The following UBR2 variants were observed in gnomAD, a reference collection of about 807,000 sequenced individuals.
UBR2 encodes the protein ubiquitin protein ligase E3 component n-recognin 2.
In UBR2, 92 loss-of-function variants were observed where a neutral mutation model predicts 247.9. The ratio of observed to expected loss-of-function variants is 0.37; its 90% CI spans 0.31 to 0.44. UBR2 has a LOEUF of 0.44. Among genes scored for constraint, UBR2 ranks in the 20% least tolerant of loss-of-function variants. UBR2 has a pLI of 1.00. For synonymous variants in UBR2, 672 were observed against 693.5 expected, an observed-to-expected ratio of 0.97 and a Z score of 0.49; for missense variants, 1,613 against 2,112.6, an observed-to-expected ratio of 0.76 and a Z score of 4.64.
rs371184591 is a variant in UBR2 at position 42,676,122 on chromosome 6, G to A, written c.4318G>A (p.Gly1440Arg). 259 of 1,613,554 alleles carry A rather than the reference G, an allele frequency of 1.6e-4. No individual in the cohort carries two copies. Among genetic ancestry groups the A allele is most frequent in the Non-Finnish European group, 2.0e-4 (237 of 1,179,948 alleles). ...QDFSGISLGT[G>R]DLHIFHLVTM... ...TTTTTCAGGGATCAGCCTTGGCACT[G>A]GAGACCTTCACATTTTCCATCTGGT... is the stretch of plus-strand genomic sequence containing the variant. The change falls in exon 39 of 47, where the codon GGA (glycine) becomes AGA (arginine). Residue 1440 changes from glycine (G) to arginine (R), a missense_variant. Transcript: ENST00000372901.
intron 44 of UBR2, among the ~76,000 whole-genome samples, chr6:42,686,897 G>A (rs1214093955): frequency 2.0e-5 from 3 of 150,330 alleles, no homozygotes; most frequent in African/African-American, 2.5e-5. Flanking sequence ...GGTCGCGGCC[G>A]GGCAGAGGCG....
chr6:42,653,348 A>G (rs1034027785), intron 25 of UBR2, among the ~76,000 whole-genome samples: 17 of 152,112 alleles, frequency 1.1e-4, no homozygotes, highest in Non-Finnish European at 1.6e-4. Context: ...CTCCCCAAGT[A>G]TTGGGATTAC....
chr6:42,650,557 G>A (rs1448464101), intron 23 of UBR2, among the ~76,000 whole-genome samples, 171 bp downstream of exon 23: 6 of 152,134 alleles, frequency 3.9e-5, no homozygotes, highest in Non-Finnish European at 5.9e-5. Flanking sequence ...TCAGCCTCTT[G>A]AGTAGATGAG....
chr6:42,647,647 G>T (rs976425123), intron 21 of UBR2, among the ~76,000 whole-genome samples: 4 of 151,996 alleles, frequency 2.6e-5, no homozygotes, highest in African/African-American at 9.7e-5. Context: ...ACATTTTAAA[G>T]AATTATTTAT....
chr6:42,610,535 A>G (rs1020940125), intron 7 of UBR2, among the ~76,000 whole-genome samples: 4 of 152,234 alleles, frequency 2.6e-5, no homozygotes, highest in Non-Finnish European at 5.9e-5. Flanking sequence ...ACATGCTACA[A>G]CATGAATGGA....
intron 33 of UBR2, 91 bp from the exon 34 acceptor site, chr6:42,666,076 C>A: frequency 9.0e-7 from 1 of 1,113,732 alleles, no homozygotes; most frequent in Non-Finnish European, 1.3e-6. Context: ...AATTTTTTTC[C>A]TTTTGTTTTT....
At chr6:42,635,659 A>C in intron 14 of UBR2, 113 bp downstream of exon 14, 1 of 1,274,762 alleles carries the variant, frequency 7.8e-7, no homozygotes, top group Non-Finnish European at 1.1e-6. Flanking sequence ...TACTTAGTTC[A>C]TTAAACAGCG....
intron 1 of UBR2, among the ~76,000 whole-genome samples, chr6:42,572,916 G>A (rs1461790820): frequency 6.6e-6 from 1 of 152,094 alleles, no homozygotes; most frequent in Non-Finnish European, 1.5e-5. Flanking sequence ...TGTTGGCCAG[G>A]CTGGTCTTGA....
intron 36 of UBR2, 135 bp from the exon 37 acceptor site, chr6:42,673,656 T>C (rs577773078): frequency 5.4e-4 from 331 of 607,490 alleles, no homozygotes; most frequent in Non-Finnish European, 8.2e-4. Context: ...AGGCATGTCA[T>C]TGAGATGTCA....
chr6:42,617,297 G>A (rs757015626), intron 10 of UBR2, 112 bp from the exon 11 acceptor site: 4 of 1,614,104 alleles, frequency 2.5e-6, no homozygotes, highest in South Asian at 2.2e-5. Context: ...AGCAGTGTCG[G>A]TGACTGCTCT....
Position 42,688,501 on chromosome 6 carries a change from C to T in UBR2, c.5024+115C>T, listed in dbSNP as rs10080347. 3,464 of 1,252,312 alleles carry T rather than the reference C, an allele frequency of 2.8e-3. 81 individuals are homozygous for T. The African/African-American group carries it at 0.044, about 16-fold the overall frequency. 77.6% of individuals were successfully genotyped at this position (1,252,312 alleles called of 1,614,324 possible). On this transcript the variant is annotated intron_variant, in intron 45 of 46. Transcript: ENST00000372901. ...TTTGAGACTACTGTTCCGTGTGATT[C>T]ATTCCAGAAACGTGGAGCTCCTTGT...
intron 21 of UBR2, among the ~76,000 whole-genome samples, chr6:42,647,212 G>C (rs1250553379): frequency 2.0e-5 from 3 of 152,068 alleles, no homozygotes; most frequent in African/African-American, 7.2e-5. Flanking sequence ...ATCCCAAGTT[G>C]TTCAATTAGG....
At position 42,691,015 on chromosome 6, in the gene UBR2, G is replaced by A. The variant is rs1562412396; in HGVS notation, c.5127-17G>A. Reference sequence around the variant, plus strand: ...AAACAGAACACATTCTGAGTGACATGTGTCTTCTCTTTCTAGACGGGGAAA... The same window carrying A: ...AAACAGAACACATTCTGAGTGACATATGTCTTCTCTTTCTAGACGGGGAAA... On this transcript the variant is annotated splice_polypyrimidine_tract_variant and intron_variant, in intron 46 of 46. Transcript: ENST00000372901. The A allele has an allele frequency of 2.5e-6, 4 of 1,613,160 alleles. No homozygotes were observed. The highest frequency in any genetic ancestry group is 1.1e-5 in the South Asian group (1 of 90,998).
At chr6:42,650,464 C>G in intron 23 of UBR2, 78 bp downstream of exon 23, 1 of 1,268,312 alleles carries the variant, frequency 7.9e-7, no homozygotes, top group South Asian at 1.3e-5. Context: ...CCATGTTGCC[C>G]AGGCTAGAGT....
chr6:42,637,140 T>C lies in UBR2; in HGVS notation c.1804T>C (p.Cys602Arg). The change falls in exon 15 of 47, where the codon TGT (cysteine) becomes CGT (arginine). Residue 602 changes from cysteine to arginine, a missense_variant. Transcript: ENST00000372901. ...ACATTCAGTGGAAACTATCAGATAC[T>C]GTGTTTCCCAAGAAAAAGTTAGCAT... Reference protein sequence around the residue: ...CGHSVETIRYCVSQEKVSIHL... With the variant: ...CGHSVETIRYRVSQEKVSIHL... 1 of 1,613,828 alleles carries C rather than the reference T, an allele frequency of 6.2e-7. No homozygotes were observed. The highest frequency in any genetic ancestry group is 8.5e-7 in the Non-Finnish European group (1 of 1,179,870).
At position 42,670,207 on chromosome 6, in the gene UBR2, T is replaced by A; in HGVS notation, c.3997T>A (p.Trp1333Arg). ...EEDPRVPIMC[W>R]GSCAYTIQSI... is the part of the protein sequence containing the mutation. The stretch of plus-strand genomic sequence containing the variant: ...GGATCCTCGTGTTCCCATAATGTGT[T>A]GGGGTAGCTGCGCGTACACCATCCA... Residue 1333 changes from tryptophan to arginine, a missense_variant, in exon 35 of 47, where the codon TGG (tryptophan) becomes AGG (arginine). Trp to Arg is a moderately radical substitution (Grantham distance 101). Coordinates refer to ENST00000372901, the MANE Select transcript of UBR2 (RefSeq NM_001363705.2). 1 of 1,614,194 alleles carries A rather than the reference T, an allele frequency of 6.2e-7. No homozygotes were observed. Among genetic ancestry groups the A allele is most frequent in the East Asian group, 2.2e-5 (1 of 44,880 alleles).
At chr6:42,635,609 C>A in intron 14 of UBR2, 63 bp downstream of exon 14, 1 of 1,536,314 alleles carries the variant, frequency 6.5e-7, no homozygotes, top group South Asian at 1.2e-5. Context: ...AAGCAGAATC[C>A]TAAGTAAATT....
chr6:42,603,702 G>T lies in UBR2; in HGVS notation c.646G>T (p.Ala216Ser). The change falls in exon 5 of 47, where the codon GCA (alanine) becomes TCA (serine). Residue 216 changes from alanine (A) to serine (S), a missense_variant. Physicochemically the swap from Ala to Ser is moderately conservative, Grantham distance 99. Transcript: ENST00000372901. Reference sequence around the variant, plus strand: ...CTGGGAAAAAGAAAGTGAATTGCCAGCAGATTTAGAGATGGTGTAAGTATA... The same window carrying T: ...CTGGGAAAAAGAAAGTGAATTGCCATCAGATTTAGAGATGGTGTAAGTATA... ...LTWEKESELPADLEMVEKSDT... is the reference protein window; with the variant it reads ...LTWEKESELPSDLEMVEKSDT... The T allele has an allele frequency of 1.3e-6, 2 of 1,597,128 alleles. No homozygotes were observed. The highest frequency in any genetic ancestry group is 2.7e-5 in the African/African-American group (2 of 73,910).
chr6:42,573,641 C>A, intron 1 of UBR2, 93 bp from the exon 2 acceptor site: 1 of 1,327,068 alleles, frequency 7.5e-7, no homozygotes, highest in Non-Finnish European at 9.9e-7. Context: ...ATGCTTTTGT[C>A]ATTATTTTTG....
Sources: gnomAD v4.1 joint callset for allele counts (sites outside exome capture counted in the v4.1 genomes callset) on GRCh38, gnomAD v4.1.1 for gene constraint, MANE v1.5 for transcripts, NCBI Gene and HGNC (gene_info 2026-07-23, HGNC 2026-07-21) for gene names.